CNTNAP2: variants seen among roughly 807,000 people sequenced by gnomAD.
CNTNAP2 encodes the protein contactin associated protein 2.
Under a neutral mutation model 155.2 loss-of-function variants are expected in CNTNAP2, and 98 were observed. That is an observed-to-expected ratio of 0.63 (90% CI 0.54 to 0.75). CNTNAP2 has a LOEUF of 0.75. Among genes scored for constraint, CNTNAP2 ranks in the 30% least tolerant of loss-of-function variants. The probability of loss-of-function intolerance (pLI) is 0.00; values close to 1 mark genes in which losing one functional copy is unlikely to be tolerated. For synonymous variants in CNTNAP2, 651 were observed against 631.2 expected (o/e 1.03, Z -0.47); for missense variants, 1,727 against 1,688.1 (o/e 1.02, Z -0.40).
rs138736627 is a variant in CNTNAP2, at chr7:147,584,113, A to G, written c.1897+21856A>G. Among the ~76,000 whole-genome samples, 1,520 of 152,344 alleles carry G rather than the reference A, an allele frequency of 1.0e-2. 10 individuals carry two copies. The highest frequency in any genetic ancestry group is 0.014 in the Non-Finnish European group (919 of 68,032). On this transcript the variant is annotated intron_variant, in intron 12 of 23. Transcript: ENST00000361727. ...TTTCAAGAGCGTTAGACTATGAAAG[A>G]GAAGAAATTTGGGGAATGGCTCAAC...
At chr7:147,751,276 T>A (rs970249390) in intron 13 of CNTNAP2, among the ~76,000 whole-genome samples, 3 of 151,784 alleles carry the variant, frequency 2.0e-5, no homozygotes, top group African/African-American at 7.2e-5. Flanking sequence ...ATTTATTTAT[T>A]TAGTTGCTAG....
At chr7:146,565,074 C>T (rs538489530) in intron 1 of CNTNAP2, among the ~76,000 whole-genome samples, 2 of 152,066 alleles carry the variant, frequency 1.3e-5, no homozygotes, top group South Asian at 2.1e-4. Context: ...ATTATTTTCA[C>T]TAAATTCAAA....
intron 15 of CNTNAP2, among the ~76,000 whole-genome samples, chr7:148,060,161 T>C (rs986382460): frequency 6.6e-6 from 1 of 152,222 alleles, no homozygotes; most frequent in Admixed American, 6.5e-5. Flanking sequence ...AATTTACTTA[T>C]TTTGTAAATA....
chr7:147,594,750 T>C (rs1434178357), intron 12 of CNTNAP2, among the ~76,000 whole-genome samples: 1 of 152,176 alleles, frequency 6.6e-6, no homozygotes, highest in Non-Finnish European at 1.5e-5. Flanking sequence ...TTTTCCTGAA[T>C]GACTAAATTA....
chr7:147,453,040 G>A (rs531361090), intron 10 of CNTNAP2, among the ~76,000 whole-genome samples: 3 of 152,072 alleles, frequency 2.0e-5, no homozygotes, highest in South Asian at 2.1e-4. Flanking sequence ...AAGAGAGAAA[G>A]GGAAAGAAGG....
rs1799647315 is a variant in CNTNAP2 at position 147,541,912 on chromosome 7, GGATATACAGTTTTGGCCCA to G, written c.1778-20221_1778-20203del. 2.0e-5 allele frequency among the ~76,000 whole-genome samples: 3 copies of G among 152,230 alleles called. No homozygotes were observed. The South Asian group carries it at 6.2e-4, about 32-fold the overall frequency. ...TTTTGGGTAATAAAAAATGCAAGCA[GGATATACAGTTTTGGCCCA>G]GATAACAGACATGCCTATAAATGAG... On this transcript the variant is annotated intron_variant, in intron 11 of 23. Coordinates refer to ENST00000361727, the MANE Select transcript of CNTNAP2 (RefSeq NM_014141.6).
intron 10 of CNTNAP2, among the ~76,000 whole-genome samples, chr7:147,466,333 T>TTG (rs1175293841): frequency 2.0e-5 from 3 of 152,186 alleles, no homozygotes; most frequent in Non-Finnish European, 4.4e-5. Flanking sequence ...CAATATACAA[T>TTG]ATATCAATTG....
At chr7:148,164,402 G>A (rs555451821) in intron 17 of CNTNAP2, among the ~76,000 whole-genome samples, 5 of 152,148 alleles carry the variant, frequency 3.3e-5, no homozygotes, top group African/African-American at 1.2e-4. Flanking sequence ...CAGGGCAGCT[G>A]TGGCTGCCAT....
intron 1 of CNTNAP2, among the ~76,000 whole-genome samples, chr7:146,279,835 T>C (rs551786250): frequency 8.3e-4 from 126 of 151,560 alleles, no homozygotes; most frequent in African/African-American, 3.0e-3. Context: ...AAGGAATCAA[T>C]CAATAATTAT....
intron 19 of CNTNAP2, among the ~76,000 whole-genome samples, chr7:148,228,363 A>G (rs1162579250): frequency 6.6e-6 from 1 of 152,196 alleles, no homozygotes; most frequent in Non-Finnish European, 1.5e-5. Flanking sequence ...GCAAGGAGGA[A>G]AAAAAGAATA....
chr7:147,386,587 C>T (rs1796629782), intron 9 of CNTNAP2, among the ~76,000 whole-genome samples: 1 of 152,194 alleles, frequency 6.6e-6, no homozygotes, highest in Admixed American at 6.5e-5. Flanking sequence ...CTCCAGTTCC[C>T]AGCAAGTTCC....
chr7:147,456,242 G>A (rs915413474), intron 10 of CNTNAP2, among the ~76,000 whole-genome samples: 1 of 152,100 alleles, frequency 6.6e-6, no homozygotes, highest in Non-Finnish European at 1.5e-5. Context: ...TTATATTGGA[G>A]ATCTATGACA....
At chr7:146,336,355 A>T (rs1052959471) in intron 1 of CNTNAP2, among the ~76,000 whole-genome samples, 4 of 152,184 alleles carry the variant, frequency 2.6e-5, no homozygotes, top group African/African-American at 9.7e-5. Context: ...TTTTGATTTA[A>T]AGATAGATTT....
chr7:147,801,069 ACT>A (rs1231918993), intron 13 of CNTNAP2, among the ~76,000 whole-genome samples: 1 of 152,124 alleles, frequency 6.6e-6, no homozygotes, highest in Admixed American at 6.5e-5. Flanking sequence ...TGACAAAGTG[ACT>A]CTACTGGAAA....
rs575891097 is a variant in CNTNAP2 at position 148,090,689 on chromosome 7, G to T, written c.2384-27429G>T. ...CAACCATTAGGGTAAACAGTATGGA[G>T]GTTCCTCAAAAAATTAAAAATAGAG... On this transcript the variant is annotated intron_variant, in intron 15 of 23. Coordinates refer to ENST00000361727, the MANE Select transcript of CNTNAP2 (RefSeq NM_014141.6). Among the ~76,000 whole-genome samples the T allele has an allele frequency of 1.1e-4, 17 of 152,130 alleles. 1 individual carries two copies. The South Asian group carries it at 3.5e-3, about 32-fold the overall frequency.
intron 3 of CNTNAP2, among the ~76,000 whole-genome samples, chr7:146,859,405 C>G (rs1372891747): frequency 6.6e-6 from 1 of 152,094 alleles, no homozygotes; most frequent in Non-Finnish European, 1.5e-5. Context: ...ACCTGTAGTC[C>G]CAGCACTTTG....
intron 10 of CNTNAP2, among the ~76,000 whole-genome samples, chr7:147,436,131 T>C (rs1797544362): frequency 6.6e-6 from 1 of 152,164 alleles, no homozygotes; most frequent in Admixed American, 6.6e-5. Flanking sequence ...GAAATAAGAT[T>C]ATAAGCTACT....
chr7:146,426,464 T>C (rs1178020276), intron 1 of CNTNAP2, among the ~76,000 whole-genome samples: 5 of 150,344 alleles, frequency 3.3e-5, no homozygotes, highest in Non-Finnish European at 7.4e-5. Context: ...AATGTGTGTG[T>C]ATATATATAA....
intron 1 of CNTNAP2, among the ~76,000 whole-genome samples, chr7:146,687,263 T>C (rs888240866): frequency 2.0e-5 from 3 of 152,188 alleles, no homozygotes; most frequent in Admixed American, 2.0e-4. Context: ...CTGCCTGGAA[T>C]GAAATCTTGG....
Sources: allele counts gnomAD v4.1 joint callset (sites outside exome capture counted in the v4.1 genomes callset), GRCh38; gene constraint gnomAD v4.1.1; transcripts MANE v1.5; gene names NCBI Gene and HGNC (gene_info 2026-07-23, HGNC 2026-07-21).